Variants in TENM2 observed in about 807,000 individuals in gnomAD.
TENM2 encodes the protein teneurin transmembrane protein 2.
In TENM2, 52 loss-of-function variants were observed where a neutral mutation model predicts 245.2. The observed-to-expected ratio is 0.21, with a 90% CI of 0.17 to 0.27. The LOEUF (loss-of-function observed/expected upper bound fraction) is 0.27. Among genes scored for constraint, TENM2 ranks in the 10% least tolerant of loss-of-function variants. TENM2 has a pLI of 1.00. For synonymous variants in TENM2, 1,363 were observed against 1,438.9 expected (o/e 0.95, Z 1.19); for missense variants, 3,046 against 3,666.8 (o/e 0.83, Z 4.37).
the TENM2 span, among the ~76,000 whole-genome samples, chr5:167,148,209 A>G: frequency 6.6e-6 from 1 of 152,218 alleles, no homozygotes; most frequent in Non-Finnish European, 1.5e-5. Flanking sequence ...TAAATATGGC[A>G]TGCTGCTGCT....
At chr5:167,094,303 G>C in the TENM2 span, among the ~76,000 whole-genome samples, 1 of 151,976 alleles carries the variant, frequency 6.6e-6, no homozygotes, top group African/African-American at 2.4e-5. Flanking sequence ...CCTCAAAACT[G>C]CCTGTGCCCC....
chr5:167,766,679 C>A (rs981447045), intron 2 of TENM2, among the ~76,000 whole-genome samples: 1 of 152,030 alleles, frequency 6.6e-6, no homozygotes, highest in Admixed American at 6.6e-5. Context: ...GAGTTCGAGA[C>A]CAGCCTGGCC....
At chr5:168,024,839 G>T (rs1287943607) in intron 5 of TENM2, among the ~76,000 whole-genome samples, 1 of 152,188 alleles carries the variant, frequency 6.6e-6, no homozygotes, top group Non-Finnish European at 1.5e-5. Flanking sequence ...GGTTCTGAAT[G>T]ATTCCTTAGC....
At chr5:167,940,896 G>T (rs1296852289) in intron 3 of TENM2, among the ~76,000 whole-genome samples, 1 of 152,162 alleles carries the variant, frequency 6.6e-6, no homozygotes, top group African/African-American at 2.4e-5. Context: ...TTATCGAGAA[G>T]CCTTTCCAGA....
At chr5:167,233,620 T>C in the TENM2 span, among the ~76,000 whole-genome samples, 3 of 152,200 alleles carry the variant, frequency 2.0e-5, no homozygotes, top group Admixed American at 6.5e-5. Context: ...TTTTCCATTA[T>C]AAAAATAAGA....
chr5:167,550,704 GT>G (rs1772879368), intron 2 of TENM2, among the ~76,000 whole-genome samples: 1 of 6,470 alleles, frequency 1.5e-4, no homozygotes, highest in African/African-American at 4.6e-4. Context: ...TTGTTAGTGT[GT>G]GTGTGTGTGT....
chr5:167,199,100 A>T, the TENM2 span, among the ~76,000 whole-genome samples: 3 of 148,598 alleles, frequency 2.0e-5, no homozygotes, highest in African/African-American at 7.3e-5. Flanking sequence ...TATGAAGTAA[A>T]AAAAAAAAAA....
At chr5:168,168,486 C>T (rs577507185) in intron 13 of TENM2, among the ~76,000 whole-genome samples, 1 of 152,134 alleles carries the variant, frequency 6.6e-6, no homozygotes, top group Non-Finnish European at 1.5e-5. Flanking sequence ...TCAAGACCAG[C>T]CTCGGCAACA....
At chr5:167,831,122 CT>C (rs1768437127) in intron 2 of TENM2, among the ~76,000 whole-genome samples, 1 of 152,026 alleles carries the variant, frequency 6.6e-6, no homozygotes. Flanking sequence ...TCTTCTTCTC[CT>C]TCTCTCTTCC....
At chr5:167,562,240 G>A (rs1773640146) in intron 2 of TENM2, among the ~76,000 whole-genome samples, 1 of 152,156 alleles carries the variant, frequency 6.6e-6, no homozygotes, top group South Asian at 2.1e-4. Flanking sequence ...ATTGAACATA[G>A]AGAGCTGTAT....
chr5:168,091,627 C>T (rs1378714343), intron 8 of TENM2, among the ~76,000 whole-genome samples: 1 of 152,098 alleles, frequency 6.6e-6, no homozygotes, highest in Non-Finnish European at 1.5e-5. Context: ...ATTATTAGAC[C>T]CATTTCACAG....
chr5:167,441,053 C>A (rs1015355152), intron 2 of TENM2, among the ~76,000 whole-genome samples: 1 of 152,174 alleles, frequency 6.6e-6, no homozygotes, highest in Non-Finnish European at 1.5e-5. Flanking sequence ...TTTCCCACCC[C>A]ACTCCTAGAG....
intron 1 of TENM2, among the ~76,000 whole-genome samples, chr5:167,317,922 C>G (rs1041194403): frequency 6.6e-6 from 1 of 152,152 alleles, no homozygotes; most frequent in African/African-American, 2.4e-5. Flanking sequence ...CTAGCATGCC[C>G]TACCGCCATG....
intron 3 of TENM2, among the ~76,000 whole-genome samples, chr5:167,929,069 G>GAAAGAAAGA (rs1400312600): frequency 1.2e-3 from 22 of 18,836 alleles, no homozygotes; most frequent in African/African-American, 7.4e-3. Context: ...GAGAAAGAAA[G>GAAAGAAAGA]AAAGAAAGAA....
intron 2 of TENM2, among the ~76,000 whole-genome samples, chr5:167,452,827 T>C (rs1765664266): frequency 6.7e-6 from 1 of 149,894 alleles, no homozygotes; most frequent in Admixed American, 6.7e-5. Flanking sequence ...ATATACCTAA[T>C]GTAAATGACA....
At chr5:168,010,962 A>G (rs1398053011) in intron 5 of TENM2, among the ~76,000 whole-genome samples, 6 of 152,230 alleles carry the variant, frequency 3.9e-5, no homozygotes, top group African/African-American at 1.4e-4. Context: ...CTTTGTGTGA[A>G]AAGGATGGAT....
At chr5:167,801,105 AAAAAATAT>A (rs1279908896) in intron 2 of TENM2, among the ~76,000 whole-genome samples, 23 of 64,580 alleles carry the variant, frequency 3.6e-4, no homozygotes, top group Non-Finnish European at 5.3e-4. Context: ...GAAAAAAAAA[AAAAAATAT>A]ATATATATAT....
intron 2 of TENM2, among the ~76,000 whole-genome samples, chr5:167,526,316 C>A (rs1771106778): frequency 6.7e-6 from 1 of 149,428 alleles, no homozygotes; most frequent in South Asian, 2.1e-4. Context: ...ATAGAGTCAG[C>A]TACCTATGTC....
At chr5:167,307,722 T>G (rs1755760938) in intron 1 of TENM2, among the ~76,000 whole-genome samples, 1 of 152,168 alleles carries the variant, frequency 6.6e-6, no homozygotes, top group Non-Finnish European at 1.5e-5. Flanking sequence ...AGAGTTGAGA[T>G]TCACATTAAG....
Sources: allele counts gnomAD v4.1 joint callset (sites outside exome capture counted in the v4.1 genomes callset), GRCh38; gene constraint gnomAD v4.1.1; transcripts MANE v1.5; gene names NCBI Gene and HGNC (gene_info 2026-07-23, HGNC 2026-07-21).